Variants in DIAPH3 observed in about 807,000 individuals in gnomAD.
DIAPH3 encodes the protein protein diaphanous homolog 3.
In DIAPH3, 117 loss-of-function variants were observed where a neutral mutation model predicts 144.3. The ratio of observed to expected loss-of-function variants is 0.81; its 90% CI spans 0.70 to 0.95. The LOEUF is 0.95. DIAPH3 is among the 40% of genes least tolerant of loss of function. DIAPH3 has a pLI of 0.00. For missense variants in DIAPH3, 1,421 were observed against 1,412.7 expected, an observed-to-expected ratio of 1.01 and a Z score of -0.09; for synonymous variants, 519 against 488.9, an observed-to-expected ratio of 1.06 and a Z score of -0.81.
intron 22 of DIAPH3, among the ~76,000 whole-genome samples, chr13:59,844,485 C>T (rs1018698666): frequency 7.2e-6 from 1 of 139,318 alleles, no homozygotes; most frequent in African/African-American, 2.6e-5. Context: ...GCCTGGGTGA[C>T]GGAGCGAGAC....
intron 17 of DIAPH3, among the ~76,000 whole-genome samples, chr13:59,949,444 C>T (rs2048986646): frequency 6.6e-6 from 1 of 152,188 alleles, no homozygotes; most frequent in Admixed American, 6.5e-5. Flanking sequence ...AAGGAAATCA[C>T]ATCACCTGCA....
chr13:60,149,026 TAA>T (rs1951660643), intron 1 of DIAPH3, among the ~76,000 whole-genome samples: 1 of 152,136 alleles, frequency 6.6e-6, no homozygotes, highest in African/African-American at 2.4e-5. Flanking sequence ...AGAAAGTGGC[TAA>T]AAAGGAAGGA....
chr13:59,668,330 C>T (rs1282598027), intron 27 of DIAPH3, among the ~76,000 whole-genome samples: 1 of 152,170 alleles, frequency 6.6e-6, no homozygotes, highest in Admixed American at 6.5e-5. Flanking sequence ...AGAATGTTGG[C>T]CAGCTTACTG....
intron 17 of DIAPH3, among the ~76,000 whole-genome samples, chr13:59,955,075 TAC>T (rs1594114864): frequency 1.5e-5 from 1 of 64,822 alleles, no homozygotes; most frequent in East Asian, 5.6e-4. Flanking sequence ...TATATATATA[TAC>T]ATGTATATAT....
In DIAPH3 at chr13:60,084,391, T is replaced by C. The variant is rs145350315; in HGVS notation, c.495+9237A>G. ...TTTCTAGTCCTAGCTATGGCATTAA[T>C]GTGGGAAAGTCACACATTCCCTTGG... On this transcript the variant is annotated intron_variant, in intron 4 of 27. Transcript: ENST00000400324. Among the ~76,000 whole-genome samples the C allele has an allele frequency of 2.0e-4, 31 of 152,176 alleles. No homozygotes were observed. In the East Asian group the frequency reaches 3.9e-3, roughly 19 times the overall value.
chr13:59,898,134 C>CAAA (rs34238599), intron 20 of DIAPH3, among the ~76,000 whole-genome samples: 155 of 72,148 alleles, frequency 2.1e-3, no homozygotes, highest in Non-Finnish European at 2.4e-3. Context: ...GACTCTGCCT[C>CAAA]AAAAAAAAAA....
Position 59,913,913 on chromosome 13 carries a change from G to A in DIAPH3, c.2266-2077C>T, listed in dbSNP as rs532260099. On this transcript the variant is annotated intron_variant, in intron 19 of 27. Coordinates refer to ENST00000400324, the MANE Select transcript of DIAPH3 (RefSeq NM_001042517.2). Reference sequence around the variant, plus strand: ...GCAGAGGTTGCAGTAAGCCGAGATCGCACCATTGCACTCCAGCCTGGTTGA... The same window carrying A: ...GCAGAGGTTGCAGTAAGCCGAGATCACACCATTGCACTCCAGCCTGGTTGA... Among the ~76,000 whole-genome samples the A allele has an allele frequency of 6.6e-5, 10 of 151,766 alleles. No individual in the cohort carries two copies. The South Asian group carries it at 1.0e-3, about 16-fold the overall frequency.
At chr13:59,771,052 A>G (rs1244154888) in intron 27 of DIAPH3, among the ~76,000 whole-genome samples, 1 of 152,120 alleles carries the variant, frequency 6.6e-6, no homozygotes, top group Non-Finnish European at 1.5e-5. Context: ...AGTCCACTGA[A>G]GTTAGAATGC....
At chr13:59,842,145 G>A (rs968883970) in intron 22 of DIAPH3, among the ~76,000 whole-genome samples, 5 of 152,004 alleles carry the variant, frequency 3.3e-5, no homozygotes, top group African/African-American at 1.2e-4. Flanking sequence ...TAAACCCAGG[G>A]AATATATGCC....
chr13:59,735,709 C>T (rs529985056), intron 27 of DIAPH3, among the ~76,000 whole-genome samples: 15 of 152,108 alleles, frequency 9.9e-5, no homozygotes, highest in Middle Eastern at 3.4e-3. Flanking sequence ...AATAAAGGCA[C>T]GGGATCCTGT....
chr13:59,847,510 A>C (rs1462285043), intron 22 of DIAPH3, among the ~76,000 whole-genome samples: 2 of 152,228 alleles, frequency 1.3e-5, no homozygotes, highest in African/African-American at 2.4e-5. Context: ...TAGTGGGAGA[A>C]GCCCATCTCA....
chr13:59,688,266 T>A (rs1412872162), intron 27 of DIAPH3, among the ~76,000 whole-genome samples: 1 of 152,098 alleles, frequency 6.6e-6, no homozygotes, highest in African/African-American at 2.4e-5. Flanking sequence ...AATATTCACC[T>A]GCAATTTTAA....
chr13:60,079,293 T>C (rs536038305), intron 4 of DIAPH3, among the ~76,000 whole-genome samples: 3 of 152,188 alleles, frequency 2.0e-5, no homozygotes, highest in Middle Eastern at 3.4e-3. Flanking sequence ...TAGTAAGCAA[T>C]AGATGCTCAA....
At chr13:59,704,297 T>C (rs2034291984) in intron 27 of DIAPH3, among the ~76,000 whole-genome samples, 1 of 152,230 alleles carries the variant, frequency 6.6e-6, no homozygotes, top group African/African-American at 2.4e-5. Context: ...ACCCAGATTG[T>C]CAATCTCTCG....
chr13:59,809,369 C>A (rs978730497), intron 25 of DIAPH3, among the ~76,000 whole-genome samples: 3 of 152,056 alleles, frequency 2.0e-5, no homozygotes, highest in Admixed American at 6.5e-5. Flanking sequence ...GGCATGGTGG[C>A]GGGCCCCTGT....
At chr13:60,012,503 G>A (rs1300461005) in intron 7 of DIAPH3, among the ~76,000 whole-genome samples, 1 of 152,192 alleles carries the variant, frequency 6.6e-6, no homozygotes, top group East Asian at 1.9e-4. Context: ...GGAATTGTCA[G>A]GTTTATAAAG....
rs374884917 is a variant in DIAPH3 at position 59,774,818 on chromosome 13, C to T, written c.3169G>A (p.Asp1057Asn). ...AGATTATCCATCACTCCTGTCTCAT[C>T]ACCCTCTGTGAAAAGAGATGCAGGG... ...KRLLEMKTEG[D>N]ETGVMDNLLE... Residue 1057 changes from aspartate to asparagine, a missense_variant, in exon 26 of 28, where the codon GAT (aspartate) becomes AAT (asparagine). Coordinates refer to ENST00000400324, the MANE Select transcript of DIAPH3 (RefSeq NM_001042517.2). 1.2e-6 allele frequency: 2 copies of T among 1,613,772 alleles called. No homozygotes were observed. The highest frequency in any genetic ancestry group is 1.1e-5 in the South Asian group (1 of 91,072).
chr13:59,834,955 A>G (rs1157198252), intron 23 of DIAPH3, among the ~76,000 whole-genome samples: 2 of 151,712 alleles, frequency 1.3e-5, no homozygotes, highest in Admixed American at 6.6e-5. Context: ...GCATTGAACC[A>G]CAAGTGTTAA....
intron 3 of DIAPH3, among the ~76,000 whole-genome samples, chr13:60,098,733 C>T (rs2058179042): frequency 6.6e-6 from 1 of 152,102 alleles, no homozygotes; most frequent in Non-Finnish European, 1.5e-5. Context: ...CTTTACTGTG[C>T]TACCACACTA....
Sources: allele counts gnomAD v4.1 joint callset (sites outside exome capture counted in the v4.1 genomes callset), GRCh38; gene constraint gnomAD v4.1.1; transcripts MANE v1.5; gene names NCBI Gene and HGNC (gene_info 2026-07-23, HGNC 2026-07-21).